Variants in PCNX4 observed in about 807,000 individuals in gnomAD.
The protein encoded by PCNX4 is pecanex 4, also known as pecanex-like protein 4.
Under a neutral mutation model 107.2 loss-of-function variants are expected in PCNX4, and 103 were observed. The observed-to-expected ratio is 0.96, with a 90% CI of 0.82 to 1.13. The LOEUF is 1.13. Ranked by LOEUF, PCNX4 falls within the 50% of genes most tolerant of loss-of-function variation. The pLI is 0.00. For synonymous variants in PCNX4, 541 were observed against 481.7 expected, an observed-to-expected ratio of 1.12 and a Z score of -1.61; for missense variants, 1,528 against 1,379.4, an observed-to-expected ratio of 1.11 and a Z score of -1.71.
In PCNX4 at chr14:60,118,559, T is replaced by G. The variant is rs367684975; in HGVS notation, c.1809T>G (p.Phe603Leu). Residue 603 changes from phenylalanine to leucine, a missense_variant, in exon 7 of 11, where the codon TTT (phenylalanine) becomes TTG (leucine). Physicochemically the swap from Phe to Leu is conservative, Grantham distance 22 (BLOSUM62 0). Transcript: ENST00000406854. ...CCCTTCCTGTGTTCTTGGTGGGGTT[T>G]CCCCGACCTATTCAGAGTTGGCCAG... The part of the protein sequence containing the change: ...LFTLPVFLVG[F>L]PRPIQSWPGA... 113 of 1,613,752 alleles carry G rather than the reference T, an allele frequency of 7.0e-5. No individual in the cohort carries two copies. Among genetic ancestry groups the G allele is most frequent in the Admixed American group, 1.3e-4 (8 of 59,912 alleles).
chr14:60,125,297 TA>T, intron 9 of PCNX4, 46 bp downstream of exon 9: 2 of 1,432,888 alleles, frequency 1.4e-6, no homozygotes, highest in Non-Finnish European at 1.8e-6. Flanking sequence ...GTTGGAAAAA[TA>T]CTGATTTTTC....
rs137914054 is a variant in PCNX4 at position 60,124,938 on chromosome 14, A to G, written c.2767A>G (p.Ser923Gly). The G allele has an allele frequency of 2.7e-5, 44 of 1,613,730 alleles. No homozygotes were observed. The African/African-American group carries it at 4.9e-4, about 18-fold the overall frequency. ...AGAGTGGAGGACTAGCTGTATGCCC[A>G]GTTCCAAAATGAAGGAGATGAGCTC... ...PAEWRTSCMP[S>G]SKMKEMSSLF... is the part of the protein sequence containing the mutation. Residue 923 changes from serine (S) to glycine (G), a missense_variant, in exon 9 of 11, where the codon AGT becomes GGT. Coordinates refer to ENST00000406854, the MANE Select transcript of PCNX4 (RefSeq NM_001330177.2).
intron 1 of PCNX4, among the ~76,000 whole-genome samples, chr14:60,103,565 T>G (rs1895573773): frequency 6.6e-6 from 1 of 152,196 alleles, no homozygotes; most frequent in Non-Finnish European, 1.5e-5. Flanking sequence ...CTCCCATGCT[T>G]CTTAGGCTTC....
At chr14:60,106,313 C>T (rs946206477) in intron 1 of PCNX4, among the ~76,000 whole-genome samples, 6 of 152,112 alleles carry the variant, frequency 3.9e-5, no homozygotes, top group South Asian at 2.1e-4. Context: ...TTTAAATCAT[C>T]TCTAGATTAC....
chr14:60,116,013 G>A lies in PCNX4; in HGVS notation c.1531G>A (p.Asp511Asn). Residue 511 changes from aspartate to asparagine, a missense_variant, in exon 6 of 11, where the codon GAC becomes AAC. Transcript: ENST00000406854. ...VSTVHLISST[D>N]IWWNRSLDTG... ...AACAGTACACTTGATCTCCAGTACA[G>A]ACATATGGTGGAACAGAAGCCTGGA... is the stretch of plus-strand genomic sequence containing the variant. 1 of 1,612,926 alleles carries A rather than the reference G, an allele frequency of 6.2e-7. No individual in the cohort carries two copies. The highest frequency in any genetic ancestry group is 8.5e-7 in the Non-Finnish European group (1 of 1,179,392).
chr14:60,101,200 CAATGTGTT>C (rs1299130081), intron 1 of PCNX4, among the ~76,000 whole-genome samples: 1 of 152,144 alleles, frequency 6.6e-6, no homozygotes, highest in Non-Finnish European at 1.5e-5. Context: ...TAAACCAGAC[CAATGTGTT>C]TCTTAAATGT....
chr14:60,118,828 A>C, intron 7 of PCNX4, 136 bp downstream of exon 7: 1 of 956,350 alleles, frequency 1.0e-6, no homozygotes. Flanking sequence ...GTAGGCAGAA[A>C]GACTAAATAT....
chr14:60,124,378 A>G lies in PCNX4; in HGVS notation c.2207A>G (p.Tyr736Cys), dbSNP rs373647875. ...TGTACTGTTTTGCCTGTGAAATTGT[A>G]TTCTGATGCCAGGAATGTTCTATCA... ...TPCTVLPVKL[Y>C]SDARNVLSGI... Residue 736 changes from tyrosine to cysteine, a missense_variant, in exon 9 of 11, where the codon TAT (tyrosine) becomes TGT (cysteine). Physicochemically the swap from Tyr to Cys is radical, Grantham distance 194. Transcript: ENST00000406854. 24 of 1,613,530 alleles carry G rather than the reference A, an allele frequency of 1.5e-5. No individual in the cohort carries two copies. In the African/African-American group the frequency reaches 2.7e-4, roughly 18 times the overall value.
At chr14:60,120,717 T>A (rs1436453910) in intron 7 of PCNX4, among the ~76,000 whole-genome samples, 1 of 152,232 alleles carries the variant, frequency 6.6e-6, no homozygotes, top group Non-Finnish European at 1.5e-5. Flanking sequence ...GCAAATCTCA[T>A]TAATAAAAGT....
At position 60,143,194 on chromosome 14, in the gene PCNX4, A is replaced by G. The variant is rs1056656229; in HGVS notation, c.*8973A>G. 2.3e-4 allele frequency: 35 copies of G among 152,170 alleles called. No individual in the cohort carries two copies. Among genetic ancestry groups the G allele is most frequent in the African/African-American group, 8.0e-4 (33 of 41,428 alleles). 9.4% of individuals were successfully genotyped at this position (152,170 alleles called of 1,614,324 possible). On this transcript the variant is annotated 3_prime_UTR_variant, in exon 11 of 11. Coordinates refer to ENST00000406854, the MANE Select transcript of PCNX4 (RefSeq NM_001330177.2). Reference sequence around the variant, plus strand: ...TCTAAATTCCTTTCTTTCAAGGCCCAGTGCAAGTGACACCTTCATCAGGAA... The same window carrying G: ...TCTAAATTCCTTTCTTTCAAGGCCCGGTGCAAGTGACACCTTCATCAGGAA...
rs1269685688 is a variant in PCNX4 at position 60,139,295 on chromosome 14, CA to C, written c.*5079del. ...AAATTATAATATGAAATACAAAAAA[CA>C]AAAACGATAGGGCAGGGGACTATGG... On this transcript the variant is annotated 3_prime_UTR_variant, in exon 11 of 11. Transcript: ENST00000406854. 1.3e-5 allele frequency: 2 copies of C among 151,924 alleles called. No individual in the cohort carries two copies. Among genetic ancestry groups the C allele is most frequent in the Non-Finnish European group, 2.9e-5 (2 of 67,886 alleles). 9.4% of individuals were successfully genotyped at this position (151,924 alleles called of 1,614,324 possible).
chr14:60,118,770 C>G, intron 7 of PCNX4, 78 bp downstream of exon 7: 1 of 1,417,742 alleles, frequency 7.1e-7, no homozygotes, highest in Non-Finnish European at 9.3e-7. Flanking sequence ...GGAAAACAAT[C>G]TTTTTATCCA....
chr14:60,112,106 C>T (rs1223462309), intron 2 of PCNX4, among the ~76,000 whole-genome samples: 2 of 152,154 alleles, frequency 1.3e-5, no homozygotes, highest in African/African-American at 4.8e-5. Context: ...CATTCTTTAC[C>T]TAGTACAGTT....
At chr14:60,111,066 A>T (rs1275966076) in intron 2 of PCNX4, 2 of 166,558 alleles carry the variant, frequency 1.2e-5, no homozygotes, top group African/African-American at 2.4e-5. Context: ...CCAGGAAGAG[A>T]GTCTTCACCA....
chr14:60,136,620 G>A lies in PCNX4; in HGVS notation c.*2399G>A, dbSNP rs538436898. ...TATGTCTAGCATAAAACCTACAGAA[G>A]TGGGGGACCAGCTTAATGCCAGAGC... On this transcript the variant is annotated 3_prime_UTR_variant, in exon 11 of 11. Coordinates refer to ENST00000406854, the MANE Select transcript of PCNX4 (RefSeq NM_001330177.2). The A allele has an allele frequency of 6.5e-6, 1 of 152,700 alleles. No homozygotes were observed. Among genetic ancestry groups the A allele is most frequent in the East Asian group, 1.9e-4 (1 of 5,192 alleles). 9.5% of individuals were successfully genotyped at this position (152,700 alleles called of 1,614,324 possible). A position where few individuals can be genotyped will look rare whatever the true frequency, so the allele number is the denominator to read the frequency against.
At chr14:60,126,168 G>C (rs1896052155) in intron 10 of PCNX4, 1 of 157,672 alleles carries the variant, frequency 6.3e-6, no homozygotes, top group Non-Finnish European at 1.4e-5. Flanking sequence ...ACTTGGATTT[G>C]ACTCCTAGAA....
Position 60,140,923 on chromosome 14 carries a change from A to G in PCNX4, c.*6702A>G, listed in dbSNP as rs190270032. On this transcript the variant is annotated 3_prime_UTR_variant, in exon 11 of 11. Transcript: ENST00000406854. The surrounding 1 kb of genome is among the most constrained non-coding windows in gnomAD (Gnocchi z 4.2). ...CACCTGCCCACCTTTGCACTCGTCC[A>G]TATCCCCCAGAGCAACCTGATAAGA... 4 of 148,298 alleles carry G rather than the reference A, an allele frequency of 2.7e-5. No homozygotes were observed. The East Asian group carries it at 5.9e-4, about 22-fold the overall frequency. 9.2% of individuals were successfully genotyped at this position (148,298 alleles called of 1,614,324 possible). A position where few individuals can be genotyped will look rare whatever the true frequency, so the allele number is the denominator to read the frequency against.
At chr14:60,124,183 A>T (rs769922000) in intron 8 of PCNX4, 35 bp from the exon 9 acceptor site, 21 of 1,455,700 alleles carry the variant, frequency 1.4e-5, no homozygotes, top group Non-Finnish European at 1.8e-5. Context: ...GTAATAAATG[A>T]TTATAAACTC....
At chr14:60,103,696 A>T (rs1372833587) in intron 1 of PCNX4, among the ~76,000 whole-genome samples, 1 of 152,160 alleles carries the variant, frequency 6.6e-6, no homozygotes, top group Non-Finnish European at 1.5e-5. Flanking sequence ...TCTCAGTATG[A>T]ACTAGTTCCT....
Sources: allele counts gnomAD v4.1 joint callset (sites outside exome capture counted in the v4.1 genomes callset), GRCh38; gene constraint gnomAD v4.1.1; non-coding constraint Gnocchi (gnomAD v3.1); transcripts MANE v1.5; gene names NCBI Gene and HGNC (gene_info 2026-07-23, HGNC 2026-07-21).